Variants in STAG1 observed in about 807,000 individuals in gnomAD.
The protein encoded by STAG1 is cohesin subunit SA-1.
A neutral mutation model predicts 170.9 loss-of-function variants in STAG1; 26 were observed. The ratio of observed to expected loss-of-function variants is 0.15; its 90% CI spans 0.11 to 0.21. STAG1 has a LOEUF of 0.21. Among genes scored for constraint, STAG1 ranks in the 10% least tolerant of loss-of-function variants. The pLI, the probability that STAG1 is intolerant of heterozygous loss-of-function variation, is 1.00. For missense variants in STAG1, 964 were observed against 1,509.5 expected (o/e 0.64, Z 5.99); for synonymous variants, 514 against 497.7 (o/e 1.03, Z -0.44).
chr3:136,435,557 A>C (rs2088435055), intron 15 of STAG1, among the ~76,000 whole-genome samples: 1 of 152,262 alleles, frequency 6.6e-6, no homozygotes, highest in Admixed American at 6.5e-5. Flanking sequence ...GTACCATTAA[A>C]AAAAATGACA....
At position 136,500,242 on chromosome 3, in the gene STAG1, T is replaced by C; in HGVS notation, c.883A>G (p.Ile295Val). 2 of 1,580,856 alleles carry C rather than the reference T, an allele frequency of 1.3e-6. No individual in the cohort carries two copies. The highest frequency in any genetic ancestry group is 1.7e-6 in the Non-Finnish European group (2 of 1,157,392). ...ENMMNSIFKG[I>V]FVHRYRDAIA... is the part of the protein sequence containing the mutation. ...TCTTACCGGTATCTATGAACAAATA[T>C]ACCCTTAAAAATAGAGTTCATCATA... The change falls in exon 9 of 34, where the codon ATA becomes GTA. Residue 295 changes from isoleucine to valine, a missense_variant. This residue lies in a region of STAG1 where 57 missense variants were observed against 157.6 expected (regional missense o/e 0.36). Transcript: ENST00000383202.
intron 1 of STAG1, among the ~76,000 whole-genome samples, chr3:136,696,998 T>C (rs983729685): frequency 6.6e-6 from 1 of 152,198 alleles, no homozygotes; most frequent in South Asian, 2.1e-4. Context: ...AAGTTTTGAA[T>C]TTTACCGTAT....
chr3:136,659,755 GAGA>G (rs1356976428), intron 1 of STAG1, among the ~76,000 whole-genome samples: 1 of 152,186 alleles, frequency 6.6e-6, no homozygotes, highest in Non-Finnish European at 1.5e-5. Flanking sequence ...TACAGTAAAG[GAGA>G]AGAATAATCA....
At chr3:136,401,859 C>G (rs1199900494) in intron 21 of STAG1, among the ~76,000 whole-genome samples, 5 of 152,130 alleles carry the variant, frequency 3.3e-5, no homozygotes, top group East Asian at 1.9e-4. Flanking sequence ...GTTCTCCTGC[C>G]TCAGCCTCCT....
At chr3:136,414,557 C>T (rs2087718761) in intron 21 of STAG1, among the ~76,000 whole-genome samples, 1 of 152,142 alleles carries the variant, frequency 6.6e-6, no homozygotes, top group East Asian at 1.9e-4. Flanking sequence ...CCCTCAAAGT[C>T]ATCCATGAAC....
chr3:136,414,604 G>A (rs2087720314), intron 21 of STAG1, among the ~76,000 whole-genome samples: 1 of 152,014 alleles, frequency 6.6e-6, no homozygotes. Context: ...TGTTAATGTT[G>A]ATAGTTGGAC....
intron 1 of STAG1, among the ~76,000 whole-genome samples, chr3:136,650,257 G>C (rs1013351291): frequency 3.3e-5 from 5 of 149,880 alleles, no homozygotes; most frequent in Non-Finnish European, 7.4e-5. Flanking sequence ...AAAAGAGAGA[G>C]AGACAGGAAA....
At chr3:136,546,698 TG>T (rs1936169809) in intron 5 of STAG1, among the ~76,000 whole-genome samples, 1 of 152,082 alleles carries the variant, frequency 6.6e-6, no homozygotes, top group African/African-American at 2.4e-5. Context: ...AAATTCAGGG[TG>T]AAAAAGCAAA....
At chr3:136,404,360 A>T (rs979553118) in intron 21 of STAG1, among the ~76,000 whole-genome samples, 3 of 152,048 alleles carry the variant, frequency 2.0e-5, no homozygotes. Flanking sequence ...GGAAACGCTA[A>T]TGTGTATTGC....
At position 136,668,506 on chromosome 3, in the gene STAG1, A is replaced by G. The variant is rs4678270; in HGVS notation, c.-83-37525T>C. 9.4e-3 allele frequency among the ~76,000 whole-genome samples: 1,415 copies of G among 151,150 alleles called. 9 individuals are homozygous for G. Among genetic ancestry groups the G allele is most frequent in the Middle Eastern group, 0.021 (6 of 282 alleles). On this transcript the variant is annotated intron_variant, in intron 1 of 33. Transcript: ENST00000383202. ...AGATGGAGTTAAAACTTTAAGAAAC[A>G]TTTTGTGAGAAATGCCTACGAAGAA...
At chr3:136,665,832 T>C (rs1348502983) in intron 1 of STAG1, among the ~76,000 whole-genome samples, 1 of 148,792 alleles carries the variant, frequency 6.7e-6, no homozygotes, top group Non-Finnish European at 1.5e-5. Flanking sequence ...TCCCAGCACT[T>C]TGGGAGGCCG....
At chr3:136,524,528 C>A (rs901850803) in intron 6 of STAG1, among the ~76,000 whole-genome samples, 39 of 152,208 alleles carry the variant, frequency 2.6e-4, no homozygotes, top group Non-Finnish European at 4.3e-4. Flanking sequence ...ATATACAATC[C>A]TGTCATCTGC....
chr3:136,440,125 T>C (rs1227214158), intron 15 of STAG1, among the ~76,000 whole-genome samples: 1 of 152,132 alleles, frequency 6.6e-6, no homozygotes, highest in African/African-American at 2.4e-5. Context: ...TGTCTTGTCT[T>C]AATTTATATA....
intron 21 of STAG1, among the ~76,000 whole-genome samples, chr3:136,408,421 T>A (rs1212850911): frequency 6.6e-6 from 1 of 151,852 alleles, no homozygotes; most frequent in Non-Finnish European, 1.5e-5. Context: ...CTGAAGTTAC[T>A]AAAACAGAAA....
At chr3:136,432,457 T>C (rs190549711) in intron 16 of STAG1, among the ~76,000 whole-genome samples, 3 of 149,704 alleles carry the variant, frequency 2.0e-5, no homozygotes, top group African/African-American at 7.3e-5. Flanking sequence ...TTCTTGAAAG[T>C]AGACATTTTT....
chr3:136,698,634 T>C (rs986235365), intron 1 of STAG1, among the ~76,000 whole-genome samples: 2 of 152,192 alleles, frequency 1.3e-5, no homozygotes, highest in African/African-American at 4.8e-5. Flanking sequence ...ACAATCCCAC[T>C]GCTGGGTAAA....
intron 7 of STAG1, chr3:136,517,954 T>C (rs1934467646): frequency 6.5e-6 from 1 of 153,706 alleles, no homozygotes; most frequent in South Asian, 2.1e-4. Flanking sequence ...AATTTAATGG[T>C]AAAATATATT....
intron 14 of STAG1, among the ~76,000 whole-genome samples, chr3:136,444,462 T>C (rs563740937): frequency 1.3e-5 from 2 of 152,316 alleles, no homozygotes; most frequent in Admixed American, 1.3e-4. Flanking sequence ...TACAAGTAAC[T>C]TCTCCACCCT....
At chr3:136,727,180 T>A (rs1933735575) in intron 1 of STAG1, among the ~76,000 whole-genome samples, 1 of 152,204 alleles carries the variant, frequency 6.6e-6, no homozygotes, top group African/African-American at 2.4e-5. Flanking sequence ...AAATACCATC[T>A]GCCTTCTTTT....
Sources: gnomAD v4.1 joint callset for allele counts (sites outside exome capture counted in the v4.1 genomes callset) on GRCh38, gnomAD v4.1.1 for gene constraint, gnomAD v4.1.1 regional missense constraint, MANE v1.5 for transcripts, NCBI Gene and HGNC (gene_info 2026-07-23, HGNC 2026-07-21) for gene names.